Variants in HOMER2 observed in about 807,000 individuals in gnomAD.
HOMER2 encodes the protein homer scaffold protein 2, also known as homer protein homolog 2.
A neutral mutation model predicts 47.0 loss-of-function variants in HOMER2; 27 were observed. The ratio of observed to expected loss-of-function variants is 0.57; its 90% CI spans 0.42 to 0.79. The LOEUF (loss-of-function observed/expected upper bound fraction) is 0.79, where lower values mean the gene tolerates loss of function less well. Ranked by LOEUF, HOMER2 falls within the 30% of genes least tolerant of loss-of-function variation. The pLI is 0.00. For missense variants in HOMER2, 443 were observed against 435.0 expected (o/e 1.02, Z -0.16); for synonymous variants, 161 against 163.8 (o/e 0.98, Z 0.13).
In HOMER2 at chr15:82,935,918, T is replaced by C. The variant is rs2054131539; in HGVS notation, c.5+16613A>G. ...CATCCCCCACAGAGCAGAAGTGTGC[T>C]CTTCTTAAATCTGAAGAAGGATCAT... On this transcript the variant is annotated intron_variant, in intron 1 of 8. Coordinates refer to ENST00000450735, the MANE Select transcript of HOMER2 (RefSeq NM_004839.4). Among the ~76,000 whole-genome samples, 2 of 152,184 alleles carry C rather than the reference T, an allele frequency of 1.3e-5. 1 individual carries two copies. The highest frequency in any genetic ancestry group is 1.3e-4 in the Admixed American group (2 of 15,266).
At chr15:82,858,805 C>A (rs1055673483) in intron 5 of HOMER2, among the ~76,000 whole-genome samples, 1 of 152,162 alleles carries the variant, frequency 6.6e-6, no homozygotes, top group African/African-American at 2.4e-5. Flanking sequence ...CTCACACACA[C>A]ACACTCTCTA....
Position 82,864,397 on chromosome 15 carries a change from A to C in HOMER2, c.295-138T>G, listed in dbSNP as rs187682358. 160 of 578,746 alleles carry C rather than the reference A, an allele frequency of 2.8e-4. No homozygotes were observed. In the East Asian group the frequency reaches 4.6e-3, roughly 17 times the overall value. The allele number at this position is 578,746 out of a possible 1,614,324, so 35.9% of individuals were successfully genotyped here. A position where few individuals can be genotyped will look rare whatever the true frequency, so the allele number is the denominator to read the frequency against. ...TCCAGAAGAATTTTATTTGCTATTA[A>C]ATGAATATAAGGATGTATATTCCAG... On this transcript the variant is annotated intron_variant, in intron 3 of 8. Coordinates refer to ENST00000450735, the MANE Select transcript of HOMER2 (RefSeq NM_004839.4).
At chr15:82,905,312 C>T (rs539633137) in intron 1 of HOMER2, among the ~76,000 whole-genome samples, 1 of 148,298 alleles carries the variant, frequency 6.7e-6, no homozygotes, top group South Asian at 2.1e-4. Context: ...ACAGAATAGC[C>T]AAGAACTGTG....
At chr15:82,893,024 T>C (rs1020605552) in intron 1 of HOMER2, among the ~76,000 whole-genome samples, 183 bp from the exon 2 acceptor site, 1 of 152,230 alleles carries the variant, frequency 6.6e-6, no homozygotes, top group Admixed American at 6.5e-5. Context: ...GAGTAGTTTT[T>C]GCAAACCACA....
At position 82,913,453 on chromosome 15, in the gene HOMER2, G is replaced by A. The variant is rs2053500770; in HGVS notation, c.6-20612C>T. Among the ~76,000 whole-genome samples the A allele has an allele frequency of 6.6e-6, 1 of 152,100 alleles. No individual in the cohort carries two copies. Among genetic ancestry groups the A allele is most frequent in the South Asian group, 2.1e-4 (1 of 4,824 alleles). On this transcript the variant is annotated intron_variant, in intron 1 of 8. Coordinates refer to ENST00000450735, the MANE Select transcript of HOMER2 (RefSeq NM_004839.4). The surrounding 1 kb of genome is among the most constrained non-coding windows in gnomAD (Gnocchi z 4.1). ...AACCCCATGCAGTTCCTAACCAATG[G>A]TGCCTACCAGCAGAGCCTGAGAGTC...
chr15:82,906,359 C>T (rs2151136724), intron 1 of HOMER2, among the ~76,000 whole-genome samples: 1 of 150,828 alleles, frequency 6.6e-6, no homozygotes, highest in South Asian at 2.1e-4. Flanking sequence ...CCTTAAATGT[C>T]AATGTTCTAA....
Position 82,974,515 on chromosome 15 carries a change from T to C in HOMER2, n.82+11272A>G, listed in dbSNP as rs530048035. ...TGAAAACAGAGTCAATACACGACAA[T>C]GTCTAATTAGAATGAATATGCTCTA... is the stretch of plus-strand genomic sequence containing the variant. On this transcript the variant is annotated intron_variant and non_coding_transcript_variant, in intron 1 of 1. Transcript: ENST00000500334. Among the ~76,000 whole-genome samples, 275 of 152,072 alleles carry C rather than the reference T, an allele frequency of 1.8e-3. 1 individual carries two copies. Among genetic ancestry groups the C allele is most frequent in the Non-Finnish European group, 2.2e-3 (150 of 67,994 alleles).
At chr15:82,974,761 C>A (rs1406333315) in intron 1 of HOMER2, among the ~76,000 whole-genome samples, 1 of 152,042 alleles carries the variant, frequency 6.6e-6, no homozygotes, top group East Asian at 1.9e-4. Context: ...CTGTGCCTAG[C>A]CGACATTTCT....
At chr15:82,875,504 G>A (rs2052319676) in intron 2 of HOMER2, 100 bp from the exon 3 acceptor site, 2 of 1,258,240 alleles carry the variant, frequency 1.6e-6, no homozygotes, top group Non-Finnish European at 1.1e-6. Context: ...CTTCAAGCCT[G>A]TATCCTCTGC....
intron 1 of HOMER2, among the ~76,000 whole-genome samples, chr15:82,961,554 T>A (rs1008201159): frequency 6.6e-6 from 1 of 152,252 alleles, no homozygotes; most frequent in Non-Finnish European, 1.5e-5. Flanking sequence ...CTTCACTGGT[T>A]TATCACTTTG....
chr15:82,918,612 C>G lies in HOMER2; in HGVS notation c.6-25771G>C, dbSNP rs553037067. Among the ~76,000 whole-genome samples, 9 of 152,228 alleles carry G rather than the reference C, an allele frequency of 5.9e-5. No homozygotes were observed. The East Asian group carries it at 1.7e-3, about 29-fold the overall frequency. On this transcript the variant is annotated intron_variant, in intron 1 of 8. Transcript: ENST00000450735. ...CTATGTGATGACACCTGAATGTGTA[C>G]CTCCAGCCCAGGTGTCTCTCCTGAA...
At chr15:82,871,254 C>A (rs1466817112) in intron 3 of HOMER2, among the ~76,000 whole-genome samples, 1 of 152,142 alleles carries the variant, frequency 6.6e-6, no homozygotes, top group Non-Finnish European at 1.5e-5. Flanking sequence ...CAGTTAAGAC[C>A]AAGGCATCTA....
At chr15:82,952,478 C>A in intron 1 of HOMER2, 53 bp downstream of exon 1, 1 of 1,146,934 alleles carries the variant, frequency 8.7e-7, no homozygotes, top group Non-Finnish European at 1.1e-6. Flanking sequence ...AGCCGCGGCC[C>A]CGCAGTCCCT....
chr15:82,978,580 T>C lies in HOMER2; in HGVS notation n.82+7207A>G, dbSNP rs980816577. 7.9e-5 allele frequency among the ~76,000 whole-genome samples: 12 copies of C among 152,206 alleles called. No homozygotes were observed. The South Asian group carries it at 1.0e-3, about 13-fold the overall frequency. On this transcript the variant is annotated intron_variant and non_coding_transcript_variant, in intron 1 of 1. Coordinates refer to the HOMER2 transcript ENST00000500334. The stretch of plus-strand genomic sequence containing the variant: ...TGCATTTAGTTCATTTAGGCAGTGA[T>C]ATGGTTTGGCTGTGCCACCACCCAA...
downstream of HOMER2, among the ~76,000 whole-genome samples, chr15:82,847,741 T>C (rs1399086107): frequency 6.6e-6 from 1 of 152,178 alleles, no homozygotes; most frequent in Non-Finnish European, 1.5e-5. Flanking sequence ...CGGAAGGTGT[T>C]TGGAACCCAG....
intron 2 of HOMER2, among the ~76,000 whole-genome samples, chr15:82,880,275 T>C (rs1044069042): frequency 6.6e-6 from 1 of 152,230 alleles, no homozygotes; most frequent in Non-Finnish European, 1.5e-5. Context: ...AAAACTTTTT[T>C]AAAAATTACT....
intron 1 of HOMER2, among the ~76,000 whole-genome samples, chr15:82,927,995 A>AAAAAAAAAAG (rs2053898081): frequency 6.7e-6 from 1 of 150,294 alleles, no homozygotes; most frequent in African/African-American, 2.5e-5. Flanking sequence ...AAAAAAAAAA[A>AAAAAAAAAAG]GTGCACCGCT....
chr15:82,979,253 G>A (rs1255606992), intron 1 of HOMER2, among the ~76,000 whole-genome samples: 1 of 152,150 alleles, frequency 6.6e-6, no homozygotes, highest in African/African-American at 2.4e-5. Flanking sequence ...CTAATACAGG[G>A]AGAGTGGCAA....
intron 1 of HOMER2, among the ~76,000 whole-genome samples, chr15:82,944,523 C>T (rs1216887819): frequency 6.6e-6 from 1 of 152,166 alleles, no homozygotes; most frequent in Non-Finnish European, 1.5e-5. Flanking sequence ...CTTGATACAC[C>T]ACAGATTTCT....
Sources: allele counts gnomAD v4.1 joint callset (sites outside exome capture counted in the v4.1 genomes callset), GRCh38; gene constraint gnomAD v4.1.1; non-coding constraint Gnocchi (gnomAD v3.1); transcripts MANE v1.5; gene names NCBI Gene and HGNC (gene_info 2026-07-23, HGNC 2026-07-21).